Variants in RNF4 observed in about 807,000 individuals in gnomAD.
RNF4 encodes the protein E3 ubiquitin-protein ligase RNF4.
A neutral mutation model predicts 24.3 loss-of-function variants in RNF4; 7 were observed. The ratio of observed to expected loss-of-function variants is 0.29; its 90% CI spans 0.16 to 0.54. The LOEUF is 0.54. Among genes scored for constraint, RNF4 ranks in the 20% least tolerant of loss-of-function variants. The probability of loss-of-function intolerance (pLI) is 0.95; values close to 1 mark genes in which losing one functional copy is unlikely to be tolerated. For synonymous variants in RNF4, 83 were observed against 84.3 expected (o/e 0.98, Z 0.09); for missense variants, 209 against 248.5 (o/e 0.84, Z 1.07).
rs201056524 is a variant in RNF4, at chr4:2,508,579, TTTTTG to T, written c.205-3357_205-3353del. On this transcript the variant is annotated intron_variant, in intron 4 of 7. Coordinates refer to ENST00000314289, the MANE Select transcript of RNF4 (RefSeq NM_002938.5). ...TGGTTTTGTTTTTTTGTTTGTTTGG[TTTTTG>T]TTTTGTTTTGTTTTGTTTTTTGTTT... Among the ~76,000 whole-genome samples, 112 of 152,050 alleles carry T rather than the reference TTTTTG, an allele frequency of 7.4e-4. 1 individual carries two copies. The East Asian group carries it at 0.01, about 14-fold the overall frequency.
intron 2 of RNF4, among the ~76,000 whole-genome samples, chr4:2,496,373 C>T (rs1311082310): frequency 6.6e-6 from 1 of 152,180 alleles, no homozygotes; most frequent in Non-Finnish European, 1.5e-5. Flanking sequence ...GAAGAGTTTC[C>T]AGCCTTTTGG....
intron 4 of RNF4, chr4:2,506,019 A>T (rs997433681): frequency 6.6e-6 from 1 of 152,152 alleles, no homozygotes; most frequent in Admixed American, 6.5e-5. Context: ...GAAGCTAGGC[A>T]GTTTTTGCCC....
intron 7 of RNF4, 115 bp downstream of exon 7, chr4:2,513,246 G>T: frequency 1.0e-6 from 1 of 966,778 alleles, no homozygotes. Context: ...TCACAGTCAT[G>T]CCTGGGCCGT....
intron 1 of RNF4, among the ~76,000 whole-genome samples, chr4:2,470,247 T>C (rs4974695): frequency 0.33 from 50,221 of 152,122 alleles, 9,875 homozygotes; most frequent in Admixed American, 0.53. Flanking sequence ...GCCAGCTATT[T>C]GGCAGCAGAT....
intron 1 of RNF4, among the ~76,000 whole-genome samples, chr4:2,477,649 C>G (rs1297999411): frequency 6.6e-6 from 1 of 152,196 alleles, no homozygotes; most frequent in East Asian, 1.9e-4. Context: ...TCTTTGCCTG[C>G]TGCCATCTAT....
At chr4:2,511,821 A>ATCCTCT (rs765442495) in intron 4 of RNF4, 135 bp from the exon 5 acceptor site, 287 of 808,634 alleles carry the variant, frequency 3.5e-4, no homozygotes, top group Admixed American at 1.0e-3. Context: ...GGGTGGGAGG[A>ATCCTCT]GGGTGGGGCC....
intron 1 of RNF4, chr4:2,479,738 G>T (rs2108752761): frequency 6.6e-6 from 1 of 152,266 alleles, no homozygotes. Flanking sequence ...GACTAATACA[G>T]GTGCACACGG....
intron 1 of RNF4, among the ~76,000 whole-genome samples, chr4:2,485,222 T>A (rs1735370238): frequency 6.6e-6 from 1 of 152,198 alleles, no homozygotes. Flanking sequence ...AGCGTCCCAC[T>A]TCCGTGTTTG....
intron 1 of RNF4, chr4:2,480,368 G>A (rs1469836736): frequency 6.6e-6 from 1 of 150,980 alleles, no homozygotes; most frequent in Non-Finnish European, 1.5e-5. Flanking sequence ...TGCCTCCCGA[G>A]TTCAAGGGGT....
At chr4:2,470,186 C>T (rs1297839248) in intron 1 of RNF4, 2 of 152,210 alleles carry the variant, frequency 1.3e-5, no homozygotes, top group South Asian at 2.1e-4. Flanking sequence ...GTCCAACTGA[C>T]TGGGGAGACT....
chr4:2,490,807 T>C (rs1435397804), intron 2 of RNF4: 2 of 264,898 alleles, frequency 7.6e-6, no homozygotes, highest in Non-Finnish European at 1.5e-5. Context: ...TTTTGCTTTT[T>C]AAAATTGTTT....
At chr4:2,490,703 A>G in intron 2 of RNF4, 1 of 531,512 alleles carries the variant, frequency 1.9e-6, no homozygotes. Context: ...TAAAGGGCAG[A>G]GCCCTGAAGA....
intron 4 of RNF4, among the ~76,000 whole-genome samples, chr4:2,501,360 C>G (rs1735906091): frequency 6.6e-6 from 1 of 152,238 alleles, no homozygotes; most frequent in Non-Finnish European, 1.5e-5. Flanking sequence ...AGCATGGCCT[C>G]AGGGGATGCA....
Position 2,512,618 on chromosome 4 carries a change from C to T in RNF4, c.374+21C>T, listed in dbSNP as rs544894388. On this transcript the variant is annotated intron_variant, in intron 6 of 7. Transcript: ENST00000314289. This position sits in a 1 kb window ranked among gnomAD's most constrained non-coding sequence, Gnocchi z 4.1. ...CTCAGGTACCAACGTGCCCCCAGCT[C>T]TGCTGCCGCCATGCTAGGATGTGGG... 1.2e-6 allele frequency: 2 copies of T among 1,612,184 alleles called. No homozygotes were observed. The highest frequency in any genetic ancestry group is 1.1e-5 in the South Asian group (1 of 90,942).
At chr4:2,473,411 A>T (rs1436936679) in intron 1 of RNF4, among the ~76,000 whole-genome samples, 1 of 152,096 alleles carries the variant, frequency 6.6e-6, no homozygotes, top group Non-Finnish European at 1.5e-5. Flanking sequence ...CACAACAAGA[A>T]CTTGGAAAAA....
chr4:2,483,351 CA>C (rs1475372665), intron 1 of RNF4, among the ~76,000 whole-genome samples: 1 of 152,190 alleles, frequency 6.6e-6, no homozygotes, highest in Non-Finnish European at 1.5e-5. Flanking sequence ...GCACAGAAGG[CA>C]AGTATTTGTC....
intron 4 of RNF4, among the ~76,000 whole-genome samples, chr4:2,500,996 T>A (rs900191145): frequency 6.6e-6 from 1 of 152,264 alleles, no homozygotes; most frequent in African/African-American, 2.4e-5. Flanking sequence ...CCTTGTCGCC[T>A]ATGGAGTAGG....
chr4:2,506,677 C>T (rs1459140384), intron 4 of RNF4, among the ~76,000 whole-genome samples: 2 of 152,042 alleles, frequency 1.3e-5, no homozygotes, highest in African/African-American at 4.8e-5. Context: ...AATTGAGCTT[C>T]CTGCCTCAGC....
In RNF4 at chr4:2,488,283, T is replaced by C. The variant is rs1160611862; in HGVS notation, c.-157-2054T>C. On this transcript the variant is annotated intron_variant, in intron 1 of 7. Transcript: ENST00000314289. The stretch of plus-strand genomic sequence containing the variant: ...TTCGAGACCAGCCTGGCCAACCTGG[T>C]GGAAACCCCATCTCTACTAAAAGTA... Among the ~76,000 whole-genome samples, 6 of 152,090 alleles carry C rather than the reference T, an allele frequency of 3.9e-5. No individual in the cohort carries two copies. In the East Asian group the frequency reaches 1.2e-3, roughly 29 times the overall value.
Sources: allele counts gnomAD v4.1 joint callset (sites outside exome capture counted in the v4.1 genomes callset), GRCh38; gene constraint gnomAD v4.1.1; non-coding constraint Gnocchi (gnomAD v3.1); transcripts MANE v1.5; gene names NCBI Gene and HGNC (gene_info 2026-07-23, HGNC 2026-07-21).